ADD3: variants seen among roughly 807,000 people sequenced by gnomAD.
ADD3 encodes the protein adducin 3, also known as gamma-adducin.
A neutral mutation model predicts 80.2 loss-of-function variants in ADD3; 25 were observed. The ratio of observed to expected loss-of-function variants is 0.31; its 90% CI spans 0.23 to 0.44. The LOEUF (loss-of-function observed/expected upper bound fraction) is 0.44. Among genes scored for constraint, ADD3 ranks in the 20% least tolerant of loss-of-function variants. The pLI is 1.00. For missense variants in ADD3, 829 were observed against 847.5 expected (o/e 0.98, Z 0.27); for synonymous variants, 284 against 289.6 (o/e 0.98, Z 0.20).
At chr10:110,118,965 GT>G (rs1029445512) in intron 6 of ADD3, among the ~76,000 whole-genome samples, 3 of 152,214 alleles carry the variant, frequency 2.0e-5, no homozygotes, top group African/African-American at 7.2e-5. Flanking sequence ...GGGTCATTGA[GT>G]TTTTTGGAGC....
intron 2 of ADD3, among the ~76,000 whole-genome samples, chr10:110,106,963 G>A (rs1355391751): frequency 3.3e-5 from 5 of 152,102 alleles, no homozygotes; most frequent in Admixed American, 1.3e-4. Context: ...TGATAAGACT[G>A]TTTTCTAGCT....
At chr10:110,080,478 A>G (rs1328788981) in intron 1 of ADD3, among the ~76,000 whole-genome samples, 1 of 152,242 alleles carries the variant, frequency 6.6e-6, no homozygotes, top group African/African-American at 2.4e-5. Flanking sequence ...AAGCTATTTT[A>G]AAGTTTAAGA....
At chr10:110,116,794 T>C (rs913601539) in intron 4 of ADD3, among the ~76,000 whole-genome samples, 2 of 152,236 alleles carry the variant, frequency 1.3e-5, no homozygotes, top group Admixed American at 6.5e-5. Flanking sequence ...ATTTTTAAAA[T>C]ATATTCTTTC....
chr10:110,038,942 T>C (rs897688468), intron 1 of ADD3, among the ~76,000 whole-genome samples: 10 of 152,156 alleles, frequency 6.6e-5, no homozygotes, highest in Admixed American at 4.6e-4. Flanking sequence ...TATGAAAAAG[T>C]TGATTGCATG....
At position 110,100,861 on chromosome 10, in the gene ADD3, A is replaced by G. The variant is rs1848734710; in HGVS notation, c.195+13A>G. On this transcript the variant is annotated intron_variant, in intron 2 of 14. Coordinates refer to ENST00000356080, the MANE Select transcript of ADD3 (RefSeq NM_016824.5). ...CCTGCAAAGTCCTGTGAGTTGAATT[A>G]GAAGGCTGTAATTTTTCTCCCTCTT... 1 of 1,559,150 alleles carries G rather than the reference A, an allele frequency of 6.4e-7. No individual in the cohort carries two copies. Among genetic ancestry groups the G allele is most frequent in the Admixed American group, 2.0e-5 (1 of 50,094 alleles).
At chr10:110,015,441 T>A (rs949479656) in intron 1 of ADD3, among the ~76,000 whole-genome samples, 16 of 151,588 alleles carry the variant, frequency 1.1e-4, no homozygotes, top group Non-Finnish European at 2.4e-4. Flanking sequence ...AGTGGCCTGA[T>A]CTCGGCTCAC....
At chr10:110,122,369 C>T in intron 9 of ADD3, 77 bp downstream of exon 9, 3 of 1,338,740 alleles carry the variant, frequency 2.2e-6, no homozygotes, top group South Asian at 2.7e-5. Flanking sequence ...TTTTGTAGAA[C>T]ATGCTCCATA....
chr10:110,002,547 T>G (rs546658723), upstream of ADD3, among the ~76,000 whole-genome samples: 2 of 152,234 alleles, frequency 1.3e-5, no homozygotes, highest in South Asian at 4.1e-4. Context: ...GTGCTGGGAT[T>G]ACAGGCATGA....
intron 1 of ADD3, among the ~76,000 whole-genome samples, chr10:110,045,513 A>G (rs2133340802): frequency 6.6e-6 from 1 of 152,358 alleles, no homozygotes; most frequent in South Asian, 2.1e-4. Context: ...TTTGAATAGC[A>G]CAAGTCCACT....
At position 110,116,262 on chromosome 10, in the gene ADD3, T is replaced by G; in HGVS notation, c.338T>G (p.Leu113Arg). Residue 113 changes from leucine to arginine, a missense_variant, in exon 4 of 15, where the codon CTT (leucine) becomes CGT (arginine). By Grantham distance (102) the Leu-to-Arg change is moderately radical. Transcript: ENST00000356080. Reference sequence around the variant, plus strand: ...TCCACATTTTTTGCTCTTTTAGGTCTTGGCATGGTCACACCTATCAATGAC... The same window carrying G: ...TCCACATTTTTTGCTCTTTTAGGTCGTGGCATGGTCACACCTATCAATGAC... ...FSGFSSPPLS[L>R]GMVTPINDLP... 1 of 1,613,782 alleles carries G rather than the reference T, an allele frequency of 6.2e-7. No individual in the cohort carries two copies. Among genetic ancestry groups the G allele is most frequent in the Non-Finnish European group, 8.5e-7 (1 of 1,179,864 alleles).
intron 1 of ADD3, among the ~76,000 whole-genome samples, chr10:110,061,471 A>G (rs893870884): frequency 3.3e-5 from 5 of 152,302 alleles, no homozygotes; most frequent in African/African-American, 9.6e-5. Context: ...GCAGAATGAT[A>G]GCATCTTCAA....
At chr10:110,114,744 C>A (rs1850481638) in intron 3 of ADD3, among the ~76,000 whole-genome samples, 1 of 152,112 alleles carries the variant, frequency 6.6e-6, no homozygotes, top group African/African-American at 2.4e-5. Context: ...CACCTTTAGA[C>A]CCTTTTAATT....
upstream of ADD3, among the ~76,000 whole-genome samples, chr10:110,006,753 G>T (rs1432018458): frequency 6.6e-6 from 1 of 151,978 alleles, no homozygotes; most frequent in Non-Finnish European, 1.5e-5. Context: ...AGGGAGGAGG[G>T]GGGGGATGAA....
chr10:110,123,478 C>A (rs572689124), intron 9 of ADD3, among the ~76,000 whole-genome samples: 1 of 152,102 alleles, frequency 6.6e-6, no homozygotes, highest in Non-Finnish European at 1.5e-5. Flanking sequence ...CACTTGTTGA[C>A]CATTTGTATG....
intron 1 of ADD3, among the ~76,000 whole-genome samples, chr10:110,071,999 C>A (rs1216781195): frequency 2.6e-5 from 4 of 152,196 alleles, no homozygotes; most frequent in African/African-American, 9.6e-5. Flanking sequence ...CCTGTTTTAA[C>A]AAATAACCAT....
chr10:110,073,963 A>C (rs771954636), intron 1 of ADD3, among the ~76,000 whole-genome samples: 2 of 151,168 alleles, frequency 1.3e-5, no homozygotes, highest in Non-Finnish European at 2.9e-5. Flanking sequence ...TGGAGAGGTT[A>C]CTTTCCATAG....
intron 14 of ADD3, 165 bp downstream of exon 14, chr10:110,132,565 C>T (rs1023472621): frequency 3.2e-5 from 18 of 569,492 alleles, no homozygotes; most frequent in South Asian, 6.9e-5. Context: ...AAAAATGGGG[C>T]GCTACTTTTG....
intron 1 of ADD3, among the ~76,000 whole-genome samples, chr10:110,056,495 G>T (rs189048984): frequency 6.6e-6 from 1 of 152,262 alleles, no homozygotes; most frequent in Non-Finnish European, 1.5e-5. Context: ...GCCGAAGTAA[G>T]GGTTTTTTCT....
chr10:110,102,559 A>G (rs953389103), intron 2 of ADD3, among the ~76,000 whole-genome samples: 4 of 152,226 alleles, frequency 2.6e-5, no homozygotes, highest in African/African-American at 4.8e-5. Flanking sequence ...GTGAGCCGTG[A>G]TCACACTACG....
Sources: allele counts gnomAD v4.1 joint callset (sites outside exome capture counted in the v4.1 genomes callset), GRCh38; gene constraint gnomAD v4.1.1; transcripts MANE v1.5; gene names NCBI Gene and HGNC (gene_info 2026-07-23, HGNC 2026-07-21).